Variants in ITGA11 observed in about 807,000 individuals in gnomAD.
The protein encoded by ITGA11 is integrin subunit alpha 11, also known as integrin alpha-11.
A neutral mutation model predicts 141.9 loss-of-function variants in ITGA11; 97 were observed. That is an observed-to-expected ratio of 0.68 (90% CI 0.58 to 0.81). The LOEUF is 0.81. ITGA11 is among the 30% of genes least tolerant of loss of function. The probability of loss-of-function intolerance (pLI) is 0.00; values close to 1 mark genes in which losing one functional copy is unlikely to be tolerated. For synonymous variants in ITGA11, 658 were observed against 624.6 expected (o/e 1.05, Z -0.80); for missense variants, 1,387 against 1,559.2 (o/e 0.89, Z 1.86).
At chr15:68,401,901 G>T (rs1431990561) in intron 2 of ITGA11, among the ~76,000 whole-genome samples, 1 of 152,168 alleles carries the variant, frequency 6.6e-6, no homozygotes, top group Non-Finnish European at 1.5e-5. Context: ...GAATACGAGA[G>T]AATTAGCCAG....
chr15:68,424,415 C>T (rs74022224), intron 1 of ITGA11, among the ~76,000 whole-genome samples: 6,210 of 152,142 alleles, frequency 0.041, 426 homozygotes, highest in African/African-American at 0.14. Flanking sequence ...GCTGGGTTTA[C>T]ATTATACCAG....
chr15:68,329,751 G>GCCAACA (rs1894094848), intron 15 of ITGA11, among the ~76,000 whole-genome samples: 1 of 152,114 alleles, frequency 6.6e-6, no homozygotes. Context: ...TGCTGTTGCT[G>GCCAACA]CCACCACCAC....
Position 68,298,128 on chromosome 15 carries a change from G to C in ITGA11, c.*4931C>G, listed in dbSNP as rs1892947891. 1 of 152,136 alleles carries C rather than the reference G, an allele frequency of 6.6e-6. No homozygotes were observed. Among genetic ancestry groups the C allele is most frequent in the South Asian group, 2.1e-4 (1 of 4,830 alleles). The allele number at this position is 152,136 out of a possible 1,614,324, so 9.4% of individuals were successfully genotyped here. A position where few individuals can be genotyped will look rare whatever the true frequency, so the allele number is the denominator to read the frequency against. On this transcript the variant is annotated 3_prime_UTR_variant, in exon 30 of 30. Transcript: ENST00000315757. ...CTGCTGTATATGACAGATCACCAAA[G>C]AAAATACTGGCAGTAGTGTATTCCT...
At chr15:68,428,051 G>T (rs1160016861) in intron 1 of ITGA11, among the ~76,000 whole-genome samples, 1 of 152,114 alleles carries the variant, frequency 6.6e-6, no homozygotes, top group East Asian at 1.9e-4. Flanking sequence ...TGCCTGGGGA[G>T]GGTTATGATG....
Position 68,307,508 on chromosome 15 carries a change from C to G in ITGA11, c.3286-65G>C. On this transcript the variant is annotated intron_variant, in intron 27 of 29. Coordinates refer to ENST00000315757, the MANE Select transcript of ITGA11 (RefSeq NM_001004439.2). The surrounding 1 kb of genome is among the most constrained non-coding windows in gnomAD (Gnocchi z 6.1). ...CTTTTCTTCCCGTCCCCTCCCCAGGCAGCCCCAGGTGGAAGACATCCCAAC... is the reference window on the plus strand; with the variant it reads ...CTTTTCTTCCCGTCCCCTCCCCAGGGAGCCCCAGGTGGAAGACATCCCAAC... 2 of 1,515,752 alleles carry G rather than the reference C, an allele frequency of 1.3e-6. No homozygotes were observed. Among genetic ancestry groups the G allele is most frequent in the Non-Finnish European group, 9.0e-7 (1 of 1,111,682 alleles). The allele number at this position is 1,515,752 out of a possible 1,614,324, so 93.9% of individuals were successfully genotyped here. A position where few individuals can be genotyped will look rare whatever the true frequency, so the allele number is the denominator to read the frequency against.
chr15:68,305,504 G>A lies in ITGA11; in HGVS notation c.3382-1619C>T, dbSNP rs550434626. ...TGGAGCCGTGCCGGGAATGTAGCAG[G>A]AGCTCAGCTAACACGTGGAGTGAAT... On this transcript the variant is annotated intron_variant, in intron 28 of 29. Transcript: ENST00000315757. The surrounding 1 kb of genome is among the most constrained non-coding windows in gnomAD (Gnocchi z 4.6). Among the ~76,000 whole-genome samples, 12 of 152,186 alleles carry A rather than the reference G, an allele frequency of 7.9e-5. No individual in the cohort carries two copies. The highest frequency in any genetic ancestry group is 1.3e-4 in the Non-Finnish European group (9 of 68,036).
intron 10 of ITGA11, among the ~76,000 whole-genome samples, 180 bp downstream of exon 10, chr15:68,348,650 G>A (rs1894810871): frequency 6.6e-6 from 1 of 152,128 alleles, no homozygotes; most frequent in Non-Finnish European, 1.5e-5. Context: ...GGAAGACCTC[G>A]ACTCCCCTCT....
chr15:68,405,159 C>CTTTTTTT (rs201537337), intron 1 of ITGA11, among the ~76,000 whole-genome samples: 3,659 of 118,816 alleles, frequency 0.031, 65 homozygotes, highest in Non-Finnish European at 0.036. Context: ...CACTGTCTCC[C>CTTTTTTT]TTTTTTTTTT....
At chr15:68,314,448 C>T (rs1040923343) in intron 22 of ITGA11, among the ~76,000 whole-genome samples, 11 of 152,184 alleles carry the variant, frequency 7.2e-5, no homozygotes, top group East Asian at 1.9e-4. Flanking sequence ...CATGAACTAC[C>T]GGGGCAAATC....
chr15:68,371,919 C>T (rs902154044), intron 2 of ITGA11, among the ~76,000 whole-genome samples: 4 of 152,076 alleles, frequency 2.6e-5, no homozygotes, highest in Non-Finnish European at 5.9e-5. Context: ...GAACAAGGGC[C>T]ACTCCCTGGG....
rs911576190 is a variant in ITGA11 at position 68,326,872 on chromosome 15, GC to G, written c.2069-77del. 6.8e-6 allele frequency: 10 copies of G among 1,475,922 alleles called. No homozygotes were observed. The highest frequency in any genetic ancestry group is 1.4e-5 in the African/African-American group (1 of 71,490). The allele number at this position is 1,475,922 out of a possible 1,614,324, so 91.4% of individuals were successfully genotyped here. On this transcript the variant is annotated intron_variant, in intron 16 of 29. Transcript: ENST00000315757. This position sits in a 1 kb window ranked among gnomAD's most constrained non-coding sequence, Gnocchi z 6.8. ...CAAGACTGTCTGCCTCCTCCAGGAAGCCCCCCAGGCTGGCCAGGGGAGAGCT... is the reference window on the plus strand; with the variant it reads ...CAAGACTGTCTGCCTCCTCCAGGAAGCCCCCAGGCTGGCCAGGGGAGAGCT...
intron 2 of ITGA11, among the ~76,000 whole-genome samples, chr15:68,376,328 T>C (rs1895727698): frequency 1.3e-5 from 2 of 152,158 alleles, no homozygotes; most frequent in Admixed American, 1.3e-4. Context: ...CAAAGCGGCC[T>C]TTCCTGAAGA....
rs377427762 is a variant in ITGA11, at chr15:68,339,583, G to A, written c.1193C>T (p.Thr398Met). ...YDWNGAVLKE[T>M]SAGKVIPLRE... ...GAGAGGAATGACCTTCCCGGCACTC[G>A]TCTCCTTTAGCACAGCTCCATTCCA... The change falls in exon 11 of 30, where the codon ACG becomes ATG. Residue 398 changes from threonine to methionine, a missense_variant. Coordinates refer to ENST00000315757, the MANE Select transcript of ITGA11 (RefSeq NM_001004439.2). 2.4e-5 allele frequency: 38 copies of A among 1,613,958 alleles called. No individual in the cohort carries two copies. The African/African-American group carries it at 3.1e-4, about 13-fold the overall frequency.
intron 10 of ITGA11, among the ~76,000 whole-genome samples, chr15:68,347,065 G>T (rs1023288506): frequency 3.3e-5 from 5 of 152,208 alleles, no homozygotes; most frequent in African/African-American, 9.7e-5. Context: ...GCACTTTAGT[G>T]GCACTTGACA....
chr15:68,398,433 A>T (rs1236578201), intron 2 of ITGA11, among the ~76,000 whole-genome samples: 1 of 150,764 alleles, frequency 6.6e-6, no homozygotes, highest in Non-Finnish European at 1.5e-5. Flanking sequence ...AAAGGGATCA[A>T]TTCAACAATA....
At chr15:68,331,368 G>C (rs1248800083) in intron 14 of ITGA11, among the ~76,000 whole-genome samples, 1 of 152,158 alleles carries the variant, frequency 6.6e-6, no homozygotes, top group Non-Finnish European at 1.5e-5. Flanking sequence ...ACTTGGAGGC[G>C]ACCCATCCCC....
intron 5 of ITGA11, among the ~76,000 whole-genome samples, 152 bp downstream of exon 5, chr15:68,361,438 G>C (rs1255558670): frequency 6.6e-6 from 1 of 152,194 alleles, no homozygotes; most frequent in African/African-American, 2.4e-5. Context: ...CCAGAGAGTG[G>C]AGTGATACAT....
At chr15:68,362,614 A>G (rs1895280878) in intron 4 of ITGA11, among the ~76,000 whole-genome samples, 1 of 152,056 alleles carries the variant, frequency 6.6e-6, no homozygotes, top group Non-Finnish European at 1.5e-5. Context: ...TGAATGATGT[A>G]TAGATGGATG....
Position 68,307,745 on chromosome 15 carries a change from A to G in ITGA11, c.3175-49T>C. The G allele has an allele frequency of 7.6e-7, 1 of 1,322,902 alleles. No individual in the cohort carries two copies. The highest frequency in any genetic ancestry group is 2.3e-5 in the East Asian group (1 of 43,022). 81.9% of individuals were successfully genotyped at this position (1,322,902 alleles called of 1,614,324 possible). On this transcript the variant is annotated intron_variant, in intron 26 of 29. Transcript: ENST00000315757. This position sits in a 1 kb window ranked among gnomAD's most constrained non-coding sequence, Gnocchi z 6.1. The stretch of plus-strand genomic sequence containing the variant: ...GGCTGAGCTGCTGGGCTAGGGGAGC[A>G]GGGGGCAGCAACACTGCTTGAACGA...
Sources: allele counts gnomAD v4.1 joint callset (sites outside exome capture counted in the v4.1 genomes callset), GRCh38; gene constraint gnomAD v4.1.1; non-coding constraint Gnocchi (gnomAD v3.1); transcripts MANE v1.5; gene names NCBI Gene and HGNC (gene_info 2026-07-23, HGNC 2026-07-21).